The following TMEM45A variants were observed in gnomAD, a reference collection of about 807,000 sequenced individuals.
The protein encoded by TMEM45A is DNA polymerase-transactivated protein 4.
Under a neutral mutation model 32.0 loss-of-function variants are expected in TMEM45A, and 25 were observed. The observed-to-expected ratio is 0.78, with a 90% CI of 0.57 to 1.09. TMEM45A has a LOEUF of 1.09. Among genes scored for constraint, TMEM45A ranks in the 50% least tolerant of loss-of-function variants. The probability of loss-of-function intolerance (pLI) is 0.00; values close to 1 mark genes in which losing one functional copy is unlikely to be tolerated. For missense variants in TMEM45A, 302 were observed against 325.0 expected, an observed-to-expected ratio of 0.93 and a Z score of 0.54; for synonymous variants, 122 against 114.8, an observed-to-expected ratio of 1.06 and a Z score of -0.40.
At chr3:100,519,828 T>C (rs1280947142) in intron 1 of TMEM45A, among the ~76,000 whole-genome samples, 5 of 152,236 alleles carry the variant, frequency 3.3e-5, no homozygotes, top group Non-Finnish European at 5.9e-5. Context: ...GGATCTAGCA[T>C]TGTGGGTGGA....
At chr3:100,572,489 T>A (rs1037238974) in intron 5 of TMEM45A, 1 of 151,372 alleles carries the variant, frequency 6.6e-6, no homozygotes, top group Admixed American at 6.6e-5. Context: ...CATTGTAGAT[T>A]CTGGATACTA....
In TMEM45A at chr3:100,558,609, T is replaced by G; in HGVS notation, c.588+20T>G. 1 of 1,611,788 alleles carries G rather than the reference T, an allele frequency of 6.2e-7. No homozygotes were observed. The highest frequency in any genetic ancestry group is 1.1e-5 in the South Asian group (1 of 90,972). On this transcript the variant is annotated intron_variant, in intron 4 of 5. Coordinates refer to ENST00000323523, the MANE Select transcript of TMEM45A (RefSeq NM_018004.3). ...TTTCAGGTGAGTTGGGGCCTCTAGT[T>G]AATGTACCTGGACTCTTTGCCTGTA...
At position 100,510,681 on chromosome 3, in the gene TMEM45A, C is replaced by T. The variant is rs374863093; in HGVS notation, c.-4+17753C>T. Among the ~76,000 whole-genome samples the T allele has an allele frequency of 9.3e-3, 1,415 of 152,194 alleles. 19 individuals carry two copies. The highest frequency in any genetic ancestry group is 0.031 in the African/African-American group (1,293 of 41,514). The stretch of plus-strand genomic sequence containing the variant: ...CAGATGATCAAATTACTCTGAGCTA[C>T]GGGAGGACATTCAAACCAAAGTCAA... On this transcript the variant is annotated intron_variant, in intron 1 of 5. Transcript: ENST00000323523.
In TMEM45A at chr3:100,568,883, A is replaced by G; in HGVS notation, c.650A>G (p.Asn217Ser). The change falls in exon 5 of 6, where the codon AAT (asparagine) becomes AGT (serine). Residue 217 changes from asparagine to serine, a missense_variant. By Grantham distance (46) the Asn-to-Ser change is conservative. Coordinates refer to ENST00000323523, the MANE Select transcript of TMEM45A (RefSeq NM_018004.3). ...GPAWDLMDHENILFLTICFCW... is the reference protein window; with the variant it reads ...GPAWDLMDHESILFLTICFCW... ...GCATGGGATCTGATGGATCATGAAA[A>G]TATTTTGTTTCTCACCATATGCTTT... The G allele has an allele frequency of 6.2e-7, 1 of 1,613,940 alleles. No homozygotes were observed. The highest frequency in any genetic ancestry group is 8.5e-7 in the Non-Finnish European group (1 of 1,179,862).
chr3:100,538,508 A>G (rs557365466), intron 1 of TMEM45A, among the ~76,000 whole-genome samples: 4 of 152,352 alleles, frequency 2.6e-5, no homozygotes, highest in Admixed American at 2.6e-4. Flanking sequence ...GAACAACACA[A>G]AATGTCCCGT....
intron 1 of TMEM45A, among the ~76,000 whole-genome samples, chr3:100,548,346 C>G (rs568994725): frequency 8.5e-5 from 13 of 152,302 alleles, no homozygotes; most frequent in Non-Finnish European, 1.8e-4. Context: ...ATTCAAATAG[C>G]ATTCCTGTGT....
chr3:100,540,739 T>C (rs1342078851), intron 1 of TMEM45A, among the ~76,000 whole-genome samples: 1 of 152,230 alleles, frequency 6.6e-6, no homozygotes, highest in Non-Finnish European at 1.5e-5. Flanking sequence ...TACAAAAACC[T>C]GCACATAAAT....
chr3:100,501,769 A>G (rs1708010948), intron 1 of TMEM45A, among the ~76,000 whole-genome samples: 1 of 152,186 alleles, frequency 6.6e-6, no homozygotes, highest in Non-Finnish European at 1.5e-5. Context: ...ATAGGTGTTT[A>G]GGAGACATCT....
At chr3:100,520,495 G>T (rs760138863) in intron 1 of TMEM45A, among the ~76,000 whole-genome samples, 1 of 152,088 alleles carries the variant, frequency 6.6e-6, no homozygotes. Flanking sequence ...CCTCTTTTCC[G>T]CCCTTGCTGG....
intron 1 of TMEM45A, among the ~76,000 whole-genome samples, chr3:100,521,058 A>T (rs929314840): frequency 6.6e-6 from 1 of 152,202 alleles, no homozygotes; most frequent in Non-Finnish European, 1.5e-5. Flanking sequence ...AATGTTAAAG[A>T]ACCCCTTTCG....
At position 100,495,728 on chromosome 3, in the gene TMEM45A, A is replaced by C. The variant is rs1707915179; in HGVS notation, c.-4+2800A>C. ...GCAGGTTGGGTGGGTAGGGATGGGCAGTGAGTCTGTGTTTTGGAGTCATTC... is the reference window on the plus strand; with the variant it reads ...GCAGGTTGGGTGGGTAGGGATGGGCCGTGAGTCTGTGTTTTGGAGTCATTC... On this transcript the variant is annotated intron_variant, in intron 1 of 5. Transcript: ENST00000323523. 3.3e-5 allele frequency among the ~76,000 whole-genome samples: 5 copies of C among 152,096 alleles called. No homozygotes were observed. In the South Asian group the frequency reaches 1.0e-3, roughly 32 times the overall value.
rs1285154703 is a variant in TMEM45A, at chr3:100,556,739, CTG to C, written c.191-18_191-17del. The C allele has an allele frequency of 1.9e-6, 3 of 1,600,538 alleles. No homozygotes were observed. Among genetic ancestry groups the C allele is most frequent in the Admixed American group, 1.7e-5 (1 of 57,800 alleles). On this transcript the variant is annotated intron_variant, in intron 2 of 5. Transcript: ENST00000323523. ...TCTATGTAAAGCAGAGTTGCTAAAACTGTGATATGTTTCTTGGCAGGCATGGC... is the reference window on the plus strand; with the variant it reads ...TCTATGTAAAGCAGAGTTGCTAAAACTGATATGTTTCTTGGCAGGCATGGC...
rs140860991 is a variant in TMEM45A at position 100,505,717 on chromosome 3, A to C, written c.-4+12789A>C. 7.0e-3 allele frequency among the ~76,000 whole-genome samples: 1,062 copies of C among 152,330 alleles called. 13 individuals carry two copies. The highest frequency in any genetic ancestry group is 0.025 in the African/African-American group (1,027 of 41,580). ...ACCCTTTTGCCTGACACAACCAAAAATGTCAGATAAAATACATGAAATAAT... is the reference window on the plus strand; with the variant it reads ...ACCCTTTTGCCTGACACAACCAAAACTGTCAGATAAAATACATGAAATAAT... On this transcript the variant is annotated intron_variant, in intron 1 of 5. Coordinates refer to ENST00000323523, the MANE Select transcript of TMEM45A (RefSeq NM_018004.3).
chr3:100,508,687 G>A (rs1035006066), intron 1 of TMEM45A, among the ~76,000 whole-genome samples: 18 of 151,932 alleles, frequency 1.2e-4, no homozygotes, highest in Non-Finnish European at 1.3e-4. Flanking sequence ...TTCAACAAAG[G>A]CATCAAAAAC....
rs1207489109 is a variant in TMEM45A, at chr3:100,514,994, C to T, written c.-4+22066C>T. Among the ~76,000 whole-genome samples the T allele has an allele frequency of 1.3e-4, 20 of 150,378 alleles. 1 individual carries two copies. Among genetic ancestry groups the T allele is most frequent in the Middle Eastern group, 6.8e-3 (2 of 294 alleles). On this transcript the variant is annotated intron_variant, in intron 1 of 5. Coordinates refer to ENST00000323523, the MANE Select transcript of TMEM45A (RefSeq NM_018004.3). The stretch of plus-strand genomic sequence containing the variant: ...AGGAAACAACAGGTGCTGGAGAGGA[C>T]GTGGAGAAATAGGAACACTTTTACA...
intron 1 of TMEM45A, among the ~76,000 whole-genome samples, chr3:100,506,851 C>T (rs1276964012): frequency 6.6e-6 from 1 of 152,170 alleles, no homozygotes; most frequent in Non-Finnish European, 1.5e-5. Context: ...CCAAACCAGG[C>T]AGGCCAAGAT....
chr3:100,520,272 C>T (rs192021791), intron 1 of TMEM45A, among the ~76,000 whole-genome samples: 1 of 152,302 alleles, frequency 6.6e-6, no homozygotes, highest in East Asian at 1.9e-4. Flanking sequence ...CCCTGCAGAG[C>T]TCTGAAAACA....
chr3:100,573,074 G>C (rs1706603831), intron 5 of TMEM45A: 1 of 151,396 alleles, frequency 6.6e-6, no homozygotes, highest in African/African-American at 2.4e-5. Context: ...GGATTGACTT[G>C]GCGATGCGGG....
chr3:100,565,159 C>T (rs959124750), intron 4 of TMEM45A, among the ~76,000 whole-genome samples: 8 of 152,144 alleles, frequency 5.3e-5, no homozygotes, highest in African/African-American at 1.9e-4. Flanking sequence ...CCAATCTTTT[C>T]CTACGACATA....
Sources: gnomAD v4.1 joint callset for allele counts (sites outside exome capture counted in the v4.1 genomes callset) on GRCh38, gnomAD v4.1.1 for gene constraint, MANE v1.5 for transcripts, NCBI Gene and HGNC (gene_info 2026-07-23, HGNC 2026-07-21) for gene names.